The following GABRG1 variants were observed in gnomAD, a reference collection of about 807,000 sequenced individuals.
The protein encoded by GABRG1 is gamma-aminobutyric acid receptor subunit gamma-1.
GABRG1 carries 49 observed loss-of-function variants against 49.8 expected under a neutral mutation model. The observed-to-expected ratio is 0.98, with a 90% CI of 0.78 to 1.25. The LOEUF (loss-of-function observed/expected upper bound fraction) is 1.25. GABRG1 is among the 50% of genes most tolerant of loss of function. GABRG1 has a pLI of 0.00. For synonymous variants in GABRG1, 232 were observed against 185.1 expected, an observed-to-expected ratio of 1.25 and a Z score of -2.06; for missense variants, 552 against 552.3, an observed-to-expected ratio of 1.00 and a Z score of 0.01.
chr4:46,087,046 A>C (rs1478374032), intron 2 of GABRG1, among the ~76,000 whole-genome samples: 1 of 151,698 alleles, frequency 6.6e-6, no homozygotes, highest in Non-Finnish European at 1.5e-5. Flanking sequence ...TGTTTTATTC[A>C]ACCGATACAT....
intron 1 of GABRG1, among the ~76,000 whole-genome samples, chr4:46,097,889 T>C (rs1162420038): frequency 1.3e-5 from 2 of 151,770 alleles, no homozygotes; most frequent in East Asian, 1.9e-4. Context: ...TTCTTTTAAG[T>C]CGGAAGAACC....
intron 3 of GABRG1, among the ~76,000 whole-genome samples, chr4:46,078,529 A>C (rs546982790): frequency 6.6e-6 from 1 of 151,954 alleles, no homozygotes; most frequent in African/African-American, 2.4e-5. Flanking sequence ...AGATCAGCCT[A>C]TGGAATGCCG....
At chr4:46,097,384 G>A (rs747853045) in intron 1 of GABRG1, 35 bp from the exon 2 acceptor site, 131 of 1,570,320 alleles carry the variant, frequency 8.3e-5, no homozygotes, top group Non-Finnish European at 1.1e-4. Context: ...GATGGTAGAA[G>A]GTTCAATCAA....
chr4:46,118,250 C>A (rs1213926214), intron 1 of GABRG1, among the ~76,000 whole-genome samples: 1 of 141,424 alleles, frequency 7.1e-6, no homozygotes, highest in African/African-American at 2.9e-5. Flanking sequence ...ATAGATCTAT[C>A]TATCTATCTA....
Position 46,058,631 on chromosome 4 carries a change from A to G in GABRG1, c.626-9T>C. On this transcript the variant is annotated splice_polypyrimidine_tract_variant and intron_variant, in intron 5 of 8. Coordinates refer to ENST00000295452, the MANE Select transcript of GABRG1 (RefSeq NM_173536.4). ...ATTTTTAGGGTATCCATCTATAGAG[A>G]AAAAATACATAGATTAGCAAGATCC... The G allele has an allele frequency of 1.2e-6, 2 of 1,605,294 alleles. No individual in the cohort carries two copies. The highest frequency in any genetic ancestry group is 4.5e-5 in the East Asian group (2 of 44,726).
At chr4:46,046,005 A>G (rs780706777) in intron 8 of GABRG1, among the ~76,000 whole-genome samples, 5 of 152,148 alleles carry the variant, frequency 3.3e-5, no homozygotes, top group Non-Finnish European at 5.9e-5. Flanking sequence ...AATGAAAATA[A>G]TAATTACAAG....
At chr4:46,048,394 G>A (rs1718082275) in intron 8 of GABRG1, among the ~76,000 whole-genome samples, 2 of 150,014 alleles carry the variant, frequency 1.3e-5, no homozygotes, top group Non-Finnish European at 3.0e-5. Flanking sequence ...AAGGAAGGAA[G>A]GAAGGAAGGA....
At chr4:46,061,081 A>C (rs1207638358) in intron 5 of GABRG1, among the ~76,000 whole-genome samples, 1 of 149,780 alleles carries the variant, frequency 6.7e-6, no homozygotes, top group Non-Finnish European at 1.5e-5. Flanking sequence ...AATTACTATT[A>C]ACAACAATCA....
chr4:46,049,397 A>G (rs1268689748), intron 8 of GABRG1, among the ~76,000 whole-genome samples: 1 of 151,886 alleles, frequency 6.6e-6, no homozygotes, highest in Non-Finnish European at 1.5e-5. Context: ...TCAAAATATC[A>G]TTTAGGACTG....
intron 1 of GABRG1, among the ~76,000 whole-genome samples, chr4:46,111,562 C>A (rs73146813): frequency 0.018 from 2,692 of 151,088 alleles, 86 homozygotes; most frequent in African/African-American, 0.062. Flanking sequence ...AGAACAAAGC[C>A]AGAATCATCA....
chr4:46,063,551 G>C (rs1718793894), intron 5 of GABRG1, among the ~76,000 whole-genome samples: 1 of 152,092 alleles, frequency 6.6e-6, no homozygotes, highest in South Asian at 2.1e-4. Flanking sequence ...ATGGATTAAA[G>C]ACTTAAACCT....
intron 8 of GABRG1, among the ~76,000 whole-genome samples, chr4:46,048,017 C>G (rs766671420): frequency 2.0e-5 from 3 of 151,972 alleles, no homozygotes; most frequent in Non-Finnish European, 4.4e-5. Flanking sequence ...ATGGCTATAG[C>G]AGGCCCCTGA....
intron 3 of GABRG1, among the ~76,000 whole-genome samples, chr4:46,078,162 A>C (rs930772229): frequency 2.6e-5 from 4 of 151,970 alleles, no homozygotes; most frequent in African/African-American, 7.2e-5. Flanking sequence ...CAAGAAAATA[A>C]ACTTATAATA....
At position 46,035,847 on chromosome 4, in the gene GABRG1, C is replaced by T. The variant is rs1053715421; in HGVS notation, c.*5141G>A. 1.3e-5 allele frequency: 2 copies of T among 151,802 alleles called. No homozygotes were observed. The highest frequency in any genetic ancestry group is 2.4e-5 in the African/African-American group (1 of 41,376). 9.4% of individuals were successfully genotyped at this position (151,802 alleles called of 1,614,324 possible). A position where few individuals can be genotyped will look rare whatever the true frequency, so the allele number is the denominator to read the frequency against. On this transcript the variant is annotated 3_prime_UTR_variant, in exon 9 of 9. Coordinates refer to ENST00000295452, the MANE Select transcript of GABRG1 (RefSeq NM_173536.4). ...CTAAGGATCATGAGAGTAAAGAACA[C>T]TGAAAAATTGAGACACCTTTGCCAC...
chr4:46,053,937 C>A (rs1301164928), intron 7 of GABRG1, among the ~76,000 whole-genome samples: 1 of 151,970 alleles, frequency 6.6e-6, no homozygotes, highest in Non-Finnish European at 1.5e-5. Context: ...GATATCATTG[C>A]TATATTCTCC....
At chr4:46,045,040 T>C (rs545141266) in intron 8 of GABRG1, among the ~76,000 whole-genome samples, 1 of 152,216 alleles carries the variant, frequency 6.6e-6, no homozygotes, top group South Asian at 2.1e-4. Flanking sequence ...ACTTGACAGT[T>C]ACATACGAAA....
At position 46,060,379 on chromosome 4, in the gene GABRG1, C is replaced by T. The variant is rs78899798; in HGVS notation, c.626-1757G>A. 1.2e-3 allele frequency among the ~76,000 whole-genome samples: 176 copies of T among 152,068 alleles called. 2 individuals carry two copies. In the East Asian group the frequency reaches 0.026, roughly 23 times the overall value. On this transcript the variant is annotated intron_variant, in intron 5 of 8. Coordinates refer to ENST00000295452, the MANE Select transcript of GABRG1 (RefSeq NM_173536.4). ...TCTATTACACTACCATCTTACAATA[C>T]CATCAAAGCAAAGCTTGAAGGAAAT...
chr4:46,084,791 A>C (rs892869169), intron 2 of GABRG1, among the ~76,000 whole-genome samples: 1 of 151,672 alleles, frequency 6.6e-6, no homozygotes, highest in Non-Finnish European at 1.5e-5. Context: ...CATCAATTAG[A>C]TATCTTAAAT....
At chr4:46,059,946 C>G (rs546814958) in intron 5 of GABRG1, among the ~76,000 whole-genome samples, 20 of 152,138 alleles carry the variant, frequency 1.3e-4, no homozygotes, top group South Asian at 8.3e-4. Context: ...TTTACTTTCT[C>G]TTATTTTTTC....
Sources: gnomAD v4.1 joint callset for allele counts (sites outside exome capture counted in the v4.1 genomes callset) on GRCh38, gnomAD v4.1.1 for gene constraint, MANE v1.5 for transcripts, NCBI Gene and HGNC (gene_info 2026-07-23, HGNC 2026-07-21) for gene names.